The following KCNAB2 variants were observed in gnomAD, a reference collection of about 807,000 sequenced individuals.
KCNAB2 encodes the protein voltage-gated potassium channel subunit beta-2.
KCNAB2 carries 29 observed loss-of-function variants against 63.6 expected under a neutral mutation model. The observed-to-expected ratio is 0.46, with a 90% CI of 0.34 to 0.62. The LOEUF (loss-of-function observed/expected upper bound fraction) is 0.62, where lower values mean the gene tolerates loss of function less well. Among genes scored for constraint, KCNAB2 ranks in the 20% least tolerant of loss-of-function variants. The probability of loss-of-function intolerance (pLI) is 0.01; values close to 1 mark genes in which losing one functional copy is unlikely to be tolerated. For missense variants in KCNAB2, 359 were observed against 563.9 expected (o/e 0.64, Z 3.68); for synonymous variants, 222 against 224.2 (o/e 0.99, Z 0.09).
intron 2 of KCNAB2, among the ~76,000 whole-genome samples, chr1:6,072,231 G>T (rs963507206): frequency 3.3e-5 from 5 of 152,206 alleles, no homozygotes; most frequent in African/African-American, 1.2e-4. Flanking sequence ...GGCTGGCCTT[G>T]CTTGAGAACT....
chr1:6,075,195 A>G (rs1274909666), intron 4 of KCNAB2, among the ~76,000 whole-genome samples: 2 of 152,218 alleles, frequency 1.3e-5, no homozygotes, highest in Non-Finnish European at 2.9e-5. Flanking sequence ...GGATGGGAGA[A>G]TTCTGTAGAA....
chr1:6,037,258 A>G (rs563018032), intron 1 of KCNAB2, among the ~76,000 whole-genome samples: 3 of 152,184 alleles, frequency 2.0e-5, no homozygotes, highest in African/African-American at 7.2e-5. Flanking sequence ...GAATTCTGGA[A>G]GTTAGCTCAG....
intron 1 of KCNAB2, among the ~76,000 whole-genome samples, chr1:6,023,263 G>A (rs1334947882): frequency 6.6e-6 from 1 of 152,160 alleles, no homozygotes; most frequent in African/African-American, 2.4e-5. Context: ...GTGAACACAC[G>A]GGTACAAATA....
intron 8 of KCNAB2, among the ~76,000 whole-genome samples, chr1:6,089,552 A>G (rs1325047497): frequency 6.6e-6 from 1 of 152,138 alleles, no homozygotes. Context: ...CTTCGAGGTA[A>G]TAGATCATTC....
At chr1:6,075,119 T>C (rs1410336664) in intron 4 of KCNAB2, among the ~76,000 whole-genome samples, 1 of 152,212 alleles carries the variant, frequency 6.6e-6, no homozygotes, top group Non-Finnish European at 1.5e-5. Flanking sequence ...GGGGCCCATA[T>C]GGTTCAATCT....
At chr1:6,002,745 C>T (rs943637597) in intron 1 of KCNAB2, among the ~76,000 whole-genome samples, 3 of 152,136 alleles carry the variant, frequency 2.0e-5, no homozygotes, top group African/African-American at 4.8e-5. Context: ...ACGGCCCTGC[C>T]AGGACTGGGA....
intron 1 of KCNAB2, among the ~76,000 whole-genome samples, chr1:5,993,209 C>T (rs974034097): frequency 6.6e-6 from 1 of 151,886 alleles, no homozygotes; most frequent in Non-Finnish European, 1.5e-5. Flanking sequence ...CTGCTGTTCC[C>T]GGTCCTCCCC....
intron 1 of KCNAB2, among the ~76,000 whole-genome samples, chr1:5,993,435 T>C (rs1402337436): frequency 6.6e-6 from 1 of 152,126 alleles, no homozygotes; most frequent in African/African-American, 2.4e-5. Context: ...CACCGCCACT[T>C]CTGACCCTGA....
rs544938106 is a variant in KCNAB2, at chr1:6,049,046, T to A, written c.-26-2465T>A. ...CCAGAGGTCCAGCAGCCACCACCCC[T>A]CCCAGCATAGAAATGAGCAGTGGTG... On this transcript the variant is annotated intron_variant, in intron 1 of 15. Transcript: ENST00000378083. 2.6e-5 allele frequency among the ~76,000 whole-genome samples: 4 copies of A among 152,220 alleles called. No individual in the cohort carries two copies. In the East Asian group the frequency reaches 7.7e-4, roughly 29 times the overall value.
At chr1:6,011,461 G>A (rs892045932) in intron 1 of KCNAB2, among the ~76,000 whole-genome samples, 1 of 152,180 alleles carries the variant, frequency 6.6e-6, no homozygotes, top group South Asian at 2.1e-4. Context: ...AGAGAGGCAG[G>A]CACGTGTGCC....
intron 1 of KCNAB2, 109 bp from the exon 2 acceptor site, chr1:6,051,402 A>T: frequency 7.8e-7 from 1 of 1,283,960 alleles, no homozygotes; most frequent in Non-Finnish European, 1.0e-6. Context: ...TGGTGGTGGC[A>T]CTAGTTAAAG....
chr1:5,993,339 C>T lies in KCNAB2; in HGVS notation c.-53+551C>T, dbSNP rs1656673863. Among the ~76,000 whole-genome samples the T allele has an allele frequency of 2.0e-5, 3 of 151,950 alleles. No individual in the cohort carries two copies. The South Asian group carries it at 6.2e-4, about 32-fold the overall frequency. ...CCCCAGCCCCTCCGACCTCTCCCCG[C>T]GGGCACGCTCTCACCACCTTACCCT... On this transcript the variant is annotated intron_variant, in intron 1 of 16. Coordinates refer to the KCNAB2 transcript ENST00000341524.
chr1:5,993,802 TG>T (rs2102521017), intron 1 of KCNAB2, among the ~76,000 whole-genome samples: 2 of 152,292 alleles, frequency 1.3e-5, no homozygotes, highest in Non-Finnish European at 2.9e-5. Context: ...TCAGCATTTT[TG>T]GGGTTGGTAA....
intron 4 of KCNAB2, among the ~76,000 whole-genome samples, chr1:6,076,240 G>A (rs1267044189): frequency 6.6e-6 from 1 of 152,246 alleles, no homozygotes; most frequent in Non-Finnish European, 1.5e-5. Flanking sequence ...CACCTGGTGA[G>A]GCAGGAATGA....
rs965329258 is a variant in KCNAB2, at chr1:6,035,811, G to A, written c.-53+1017G>A. ...GACGGGGTTCAGAGCCACGAGATGG[G>A]TGGAAATCTGAGGGGCTTTGTGGGG... On this transcript the variant is annotated intron_variant, in intron 1 of 15. Coordinates refer to the KCNAB2 transcript ENST00000164247. The surrounding 1 kb of genome is among the most constrained non-coding windows in gnomAD (Gnocchi z 5.0). The A allele has an allele frequency of 3.3e-5, 5 of 152,518 alleles. No individual in the cohort carries two copies. The highest frequency in any genetic ancestry group is 1.2e-4 in the African/African-American group (5 of 41,426). 9.4% of individuals were successfully genotyped at this position (152,518 alleles called of 1,614,324 possible). A position where few individuals can be genotyped will look rare whatever the true frequency, so the allele number is the denominator to read the frequency against.
intron 2 of KCNAB2, among the ~76,000 whole-genome samples, chr1:6,064,719 A>G (rs1376395974): frequency 6.6e-6 from 1 of 152,116 alleles, no homozygotes; most frequent in African/African-American, 2.4e-5. Context: ...AGGGTTGCCT[A>G]TCCCCCGTCA....
At chr1:6,056,494 GTTA>G (rs1557462039) in intron 2 of KCNAB2, among the ~76,000 whole-genome samples, 3 of 152,230 alleles carry the variant, frequency 2.0e-5, no homozygotes, top group Non-Finnish European at 2.9e-5. Context: ...CCCTGTGGAC[GTTA>G]GGGTTCAGAG....
rs1173193131 is a variant in KCNAB2, at chr1:6,087,332, G to GC, written c.426-132dup. The stretch of plus-strand genomic sequence containing the variant: ...GGTACACATCATATGATGGAGAAGT[G>GC]CCCATTTCATGCCCCAGGCTCCTGG... On this transcript the variant is annotated intron_variant, in intron 6 of 15. Transcript: ENST00000378083. This position sits in a 1 kb window ranked among gnomAD's most constrained non-coding sequence, Gnocchi z 6.4. 4.4e-6 allele frequency: 4 copies of GC among 915,084 alleles called. No homozygotes were observed. In the Admixed American group the frequency reaches 5.4e-5, roughly 12 times the overall value. The allele number at this position is 915,084 out of a possible 1,614,324, so 56.7% of individuals were successfully genotyped here. A position where few individuals can be genotyped will look rare whatever the true frequency, so the allele number is the denominator to read the frequency against.
At chr1:6,091,198 T>C in intron 9 of KCNAB2, 65 bp from the exon 10 acceptor site, 1 of 1,228,466 alleles carries the variant, frequency 8.1e-7, no homozygotes. Context: ...GCCTTCGTCG[T>C]GCCACGCCTC....
Sources: gnomAD v4.1 joint callset for allele counts (sites outside exome capture counted in the v4.1 genomes callset) on GRCh38, gnomAD v4.1.1 for gene constraint, Gnocchi (gnomAD v3.1) non-coding constraint, MANE v1.5 for transcripts, NCBI Gene and HGNC (gene_info 2026-07-23, HGNC 2026-07-21) for gene names.